Variants in VPS53 observed in about 807,000 individuals in gnomAD.
VPS53 encodes the protein vacuolar protein sorting-associated protein 53 homolog.
In VPS53, 70 loss-of-function variants were observed where a neutral mutation model predicts 107.0. That is an observed-to-expected ratio of 0.65 (90% confidence interval 0.54 to 0.80). VPS53 has a LOEUF of 0.80. Among genes scored for constraint, VPS53 ranks in the 30% least tolerant of loss-of-function variants. The probability of loss-of-function intolerance (pLI) is 0.00; values close to 1 mark genes in which losing one functional copy is unlikely to be tolerated. For missense variants in VPS53, 917 were observed against 1,049.4 expected (o/e 0.87, Z 1.74); for synonymous variants, 409 against 393.3 (o/e 1.04, Z -0.47).
chr17:683,222 A>G (rs1218258315), intron 4 of VPS53, among the ~76,000 whole-genome samples: 1 of 152,230 alleles, frequency 6.6e-6, no homozygotes, highest in Non-Finnish European at 1.5e-5. Context: ...CAACAGAAAC[A>G]TTTGAAGAGA....
At chr17:693,003 G>A (rs1404539129) in intron 4 of VPS53, among the ~76,000 whole-genome samples, 2 of 152,140 alleles carry the variant, frequency 1.3e-5, no homozygotes, top group African/African-American at 4.8e-5. Flanking sequence ...GCGTGGTGGT[G>A]CATGCCTGTA....
chr17:668,406 C>T (rs1477910872), intron 4 of VPS53, among the ~76,000 whole-genome samples: 1 of 152,170 alleles, frequency 6.6e-6, no homozygotes, highest in East Asian at 1.9e-4. Context: ...AATAAGTGCG[C>T]TCATAACCAT....
chr17:566,203 CAAAA>C (rs1003234136), intron 13 of VPS53, among the ~76,000 whole-genome samples: 1 of 57,308 alleles, frequency 1.7e-5, no homozygotes, highest in Non-Finnish European at 4.0e-5. Flanking sequence ...GACTCCGTCT[CAAAA>C]AAAAAAAAAA....
At chr17:540,134 G>T (rs945161980) in intron 17 of VPS53, among the ~76,000 whole-genome samples, 4 of 146,976 alleles carry the variant, frequency 2.7e-5, no homozygotes, top group African/African-American at 7.6e-5. Flanking sequence ...TAAAGGTAAG[G>T]CCTGTTTCTC....
At chr17:653,021 C>A (rs1406893195) in intron 7 of VPS53, among the ~76,000 whole-genome samples, 1 of 152,250 alleles carries the variant, frequency 6.6e-6, no homozygotes, top group Non-Finnish European at 1.5e-5. Flanking sequence ...AGCAAGATCA[C>A]TTCTTCCGGT....
At chr17:619,939 A>G (rs1392972386) in intron 11 of VPS53, among the ~76,000 whole-genome samples, 1 of 150,304 alleles carries the variant, frequency 6.7e-6, no homozygotes, top group Non-Finnish European at 1.5e-5. Flanking sequence ...CCCCGCTAGT[A>G]TTTCCCGGGT....
chr17:578,728 G>A (rs1206240866), intron 13 of VPS53, among the ~76,000 whole-genome samples: 1 of 151,400 alleles, frequency 6.6e-6, no homozygotes, highest in Non-Finnish European at 1.5e-5. Flanking sequence ...TCAATTACCA[G>A]AGAACCTCCC....
intron 7 of VPS53, among the ~76,000 whole-genome samples, chr17:650,196 AG>A (rs1188488074): frequency 6.6e-6 from 1 of 152,200 alleles, no homozygotes; most frequent in Non-Finnish European, 1.5e-5. Flanking sequence ...GAGTGTTTAG[AG>A]GAAGAAGACA....
chr17:531,520 G>C (rs1001934142), intron 19 of VPS53, among the ~76,000 whole-genome samples: 4 of 151,334 alleles, frequency 2.6e-5, no homozygotes, highest in African/African-American at 7.3e-5. Flanking sequence ...TTTTTTTGTG[G>C]GGCAGATGGT....
chr17:701,112 C>T (rs1973181038), intron 2 of VPS53, among the ~76,000 whole-genome samples: 1 of 152,038 alleles, frequency 6.6e-6, no homozygotes, highest in Admixed American at 6.6e-5. Flanking sequence ...TCACTTAAAT[C>T]CAGGAATTCA....
intron 5 of VPS53, chr17:656,925 G>C: frequency 1.5e-6 from 2 of 1,321,526 alleles, no homozygotes; most frequent in South Asian, 2.4e-5. Flanking sequence ...TTGGAAACTT[G>C]AGTGCCAAAG....
At chr17:693,260 C>A (rs1972836596) in intron 4 of VPS53, among the ~76,000 whole-genome samples, 1 of 152,268 alleles carries the variant, frequency 6.6e-6, no homozygotes, top group East Asian at 1.9e-4. Context: ...CATAATTGTG[C>A]TATTTTATTT....
chr17:548,916 A>AG, intron 17 of VPS53, among the ~76,000 whole-genome samples: 1 of 152,204 alleles, frequency 6.6e-6, no homozygotes. Flanking sequence ...CTTCCTTACG[A>AG]GGGCCTTCTT....
chr17:637,756 G>T (rs1383917354), intron 7 of VPS53, among the ~76,000 whole-genome samples: 5 of 152,192 alleles, frequency 3.3e-5, no homozygotes, highest in Non-Finnish European at 7.3e-5. Context: ...CTGAGCTCTA[G>T]TTTGATTGCA....
intron 18 of VPS53, among the ~76,000 whole-genome samples, chr17:535,722 C>G (rs1023986481): frequency 2.0e-5 from 3 of 152,150 alleles, no homozygotes; most frequent in African/African-American, 7.2e-5. Context: ...AATGAGCACC[C>G]AGAGAGTGAG....
chr17:551,892 C>A lies in VPS53; in HGVS notation c.1846G>T (p.Ala616Ser). The A allele has an allele frequency of 2.5e-6, 4 of 1,604,462 alleles. No homozygotes were observed. The highest frequency in any genetic ancestry group is 3.4e-6 in the Non-Finnish European group (4 of 1,175,274). The change falls in exon 17 of 22, where the codon GCC becomes TCC. Residue 616 changes from alanine (A) to serine (S), a missense_variant. Coordinates refer to ENST00000437048, the MANE Select transcript of VPS53 (RefSeq NM_001128159.3). ...CTTACCTTGCTCATGGCAGTCAGGG[C>A]AGGATCACAGGCAGCATCCAGATCC... Reference protein sequence around the residue: ...VQDLDAACDPALTAMSKMQWQ... With the variant: ...VQDLDAACDPSLTAMSKMQWQ...
chr17:646,849 T>TC (rs1970733833), intron 7 of VPS53, among the ~76,000 whole-genome samples: 4 of 145,020 alleles, frequency 2.8e-5, no homozygotes, highest in Admixed American at 2.7e-4. Flanking sequence ...TCTTTTCTAA[T>TC]CCATATCACG....
intron 4 of VPS53, among the ~76,000 whole-genome samples, chr17:662,791 GA>G (rs1971505257): frequency 6.9e-6 from 1 of 144,450 alleles, no homozygotes; most frequent in African/African-American, 2.5e-5. Flanking sequence ...AAGAAAAAAA[GA>G]AAGAGAAAGA....
At chr17:592,940 C>A (rs982467693) in intron 12 of VPS53, among the ~76,000 whole-genome samples, 12 of 152,162 alleles carry the variant, frequency 7.9e-5, no homozygotes, top group African/African-American at 2.9e-4. Context: ...GCCTGCCTTG[C>A]TAGATTGGGG....
Sources: gnomAD v4.1 joint callset for allele counts (sites outside exome capture counted in the v4.1 genomes callset) on GRCh38, gnomAD v4.1.1 for gene constraint, MANE v1.5 for transcripts, NCBI Gene and HGNC (gene_info 2026-07-23, HGNC 2026-07-21) for gene names.